TNIK: variants seen among roughly 807,000 people sequenced by gnomAD.
TNIK encodes the protein TRAF2 and NCK-interacting protein kinase.
Under a neutral mutation model 191.3 loss-of-function variants are expected in TNIK, and 49 were observed. That is an observed-to-expected ratio of 0.26 (90% confidence interval 0.20 to 0.32). The LOEUF (loss-of-function observed/expected upper bound fraction) is 0.32, where lower values mean the gene tolerates loss of function less well. Among genes scored for constraint, TNIK ranks in the 10% least tolerant of loss-of-function variants. TNIK has a pLI of 1.00. For synonymous variants in TNIK, 594 were observed against 600.9 expected (o/e 0.99, Z 0.17); for missense variants, 1,155 against 1,702.3 (o/e 0.68, Z 5.66).
At chr3:171,314,798 T>C (rs556539946) in intron 2 of TNIK, among the ~76,000 whole-genome samples, 1 of 152,116 alleles carries the variant, frequency 6.6e-6, no homozygotes, top group East Asian at 1.9e-4. Context: ...CTGTCCTGAA[T>C]CTAGAGTGAG....
intron 2 of TNIK, among the ~76,000 whole-genome samples, chr3:171,239,567 C>T (rs995804565): frequency 1.3e-5 from 2 of 152,204 alleles, no homozygotes; most frequent in African/African-American, 2.4e-5. Flanking sequence ...AATTGTTCCA[C>T]CTGCAATAGC....
At position 171,369,786 on chromosome 3, in the gene TNIK, C is replaced by T. The variant is rs1157744652; in HGVS notation, c.58-101G>A. 4 of 963,170 alleles carry T rather than the reference C, an allele frequency of 4.2e-6. No individual in the cohort carries two copies. The East Asian group carries it at 1.1e-4, about 26-fold the overall frequency. 59.7% of individuals were successfully genotyped at this position (963,170 alleles called of 1,614,324 possible). A position where few individuals can be genotyped will look rare whatever the true frequency, so the allele number is the denominator to read the frequency against. On this transcript the variant is annotated intron_variant, in intron 1 of 32. Transcript: ENST00000436636. Reference sequence around the variant, plus strand: ...TTTAAATTAAGCAAATAAATAACAACTTTAGCTTCAGGGGCTCTCATGTGT... The same window carrying T: ...TTTAAATTAAGCAAATAAATAACAATTTTAGCTTCAGGGGCTCTCATGTGT...
intron 1 of TNIK, among the ~76,000 whole-genome samples, chr3:171,435,982 A>C: frequency 6.6e-6 from 1 of 152,178 alleles, no homozygotes; most frequent in East Asian, 1.9e-4. Context: ...CATGGAAGGA[A>C]CACAAAGCTT....
intron 1 of TNIK, among the ~76,000 whole-genome samples, chr3:171,405,678 T>G (rs747128544): frequency 1.3e-5 from 2 of 152,208 alleles, no homozygotes; most frequent in Non-Finnish European, 2.9e-5. Flanking sequence ...AGCCAATGCA[T>G]AAGACTGATA....
chr3:171,451,855 G>T (rs1295174939), intron 1 of TNIK, among the ~76,000 whole-genome samples: 9 of 152,188 alleles, frequency 5.9e-5, no homozygotes, highest in Admixed American at 4.6e-4. Flanking sequence ...TGGATACCAT[G>T]TGCATTTCTT....
At chr3:171,246,946 G>C (rs1204421783) in intron 2 of TNIK, among the ~76,000 whole-genome samples, 1 of 152,190 alleles carries the variant, frequency 6.6e-6, no homozygotes, top group East Asian at 1.9e-4. Flanking sequence ...AATAAGACTG[G>C]GGGGAAGACA....
intron 2 of TNIK, among the ~76,000 whole-genome samples, chr3:171,351,244 A>G (rs1162486208): frequency 8.6e-6 from 1 of 115,704 alleles, no homozygotes; most frequent in African/African-American, 2.8e-5. Context: ...CAACAACCAT[A>G]GAGAAAATAT....
chr3:171,198,646 A>G (rs1739020426), intron 4 of TNIK, among the ~76,000 whole-genome samples: 1 of 152,184 alleles, frequency 6.6e-6, no homozygotes, highest in Non-Finnish European at 1.5e-5. Context: ...GGAACTGGCC[A>G]CTGATTAAAG....
At chr3:171,079,319 G>T (rs1011132415) in intron 28 of TNIK, among the ~76,000 whole-genome samples, 199 bp downstream of exon 28, 1 of 152,034 alleles carries the variant, frequency 6.6e-6, no homozygotes, top group African/African-American at 2.4e-5. Context: ...CTGGAGCCTA[G>T]GACTTTATTC....
chr3:171,121,611 A>G (rs916905923), intron 18 of TNIK, among the ~76,000 whole-genome samples: 8 of 152,126 alleles, frequency 5.3e-5, no homozygotes, highest in Non-Finnish European at 1.2e-4. Context: ...GAGCAGCTGA[A>G]CTCCTTAGCC....
intron 18 of TNIK, among the ~76,000 whole-genome samples, chr3:171,123,271 G>A (rs559292905): frequency 6.6e-5 from 10 of 152,190 alleles, no homozygotes; most frequent in Non-Finnish European, 8.8e-5. Context: ...GATCTCTGAA[G>A]TAATGCTTTA....
intron 2 of TNIK, among the ~76,000 whole-genome samples, chr3:171,303,353 A>T (rs1478812838): frequency 6.6e-6 from 1 of 152,198 alleles, no homozygotes; most frequent in East Asian, 1.9e-4. Context: ...CATTAGCATG[A>T]TTTCAATTAA....
intron 2 of TNIK, among the ~76,000 whole-genome samples, chr3:171,276,095 G>A (rs13090932): frequency 1.3e-5 from 2 of 151,900 alleles, no homozygotes; most frequent in East Asian, 3.9e-4. Flanking sequence ...CACAAATGCT[G>A]AAGAAAGGAG....
chr3:171,077,821 ATATGTATGTACATACATATATACAGCTG>A (rs1192482556), intron 28 of TNIK, among the ~76,000 whole-genome samples: 12 of 151,938 alleles, frequency 7.9e-5, no homozygotes, highest in African/African-American at 2.4e-4. Flanking sequence ...GTATGTGTAT[ATATGTATGTACATACATATATACAGCTG>A]TATGTATGTA....
intron 12 of TNIK, among the ~76,000 whole-genome samples, chr3:171,148,741 T>C (rs554824131): frequency 6.6e-6 from 1 of 152,186 alleles, no homozygotes; most frequent in South Asian, 2.1e-4. Flanking sequence ...CTTCACACAT[T>C]TCTAGGGCAG....
intron 23 of TNIK, among the ~76,000 whole-genome samples, chr3:171,090,396 A>C (rs1021605580): frequency 6.6e-6 from 1 of 151,168 alleles, no homozygotes; most frequent in East Asian, 1.9e-4. Flanking sequence ...GACTTAAAAA[A>C]TGTTCTTTTT....
chr3:171,338,294 A>G (rs930264423), intron 2 of TNIK, among the ~76,000 whole-genome samples: 3 of 152,182 alleles, frequency 2.0e-5, no homozygotes, highest in Non-Finnish European at 4.4e-5. Context: ...GTGTGTGTAT[A>G]TATGAAATCC....
At chr3:171,139,114 T>C (rs1232085302) in intron 14 of TNIK, among the ~76,000 whole-genome samples, 3 of 152,142 alleles carry the variant, frequency 2.0e-5, no homozygotes, top group South Asian at 2.1e-4. Context: ...TATTCCAGCA[T>C]GTCGCAAATG....
chr3:171,192,297 C>T (rs1738157967), intron 5 of TNIK, among the ~76,000 whole-genome samples: 1 of 152,160 alleles, frequency 6.6e-6, no homozygotes, highest in Non-Finnish European at 1.5e-5. Flanking sequence ...CTGAAGATCC[C>T]TTTCCCTCTT....
Sources: allele counts gnomAD v4.1 joint callset (sites outside exome capture counted in the v4.1 genomes callset), GRCh38; gene constraint gnomAD v4.1.1; transcripts MANE v1.5; gene names NCBI Gene and HGNC (gene_info 2026-07-23, HGNC 2026-07-21).